CAST: variants seen among roughly 807,000 people sequenced by gnomAD.
The protein encoded by CAST is MIR583 host.
CAST carries 76 observed loss-of-function variants against 119.6 expected under a neutral mutation model. The ratio of observed to expected loss-of-function variants is 0.64; its 90% CI spans 0.53 to 0.77. The LOEUF (loss-of-function observed/expected upper bound fraction) is 0.77, where lower values mean the gene tolerates loss of function less well. Ranked by LOEUF, CAST falls within the 30% of genes least tolerant of loss-of-function variation. The probability of loss-of-function intolerance (pLI) is 0.00; values close to 1 mark genes in which losing one functional copy is unlikely to be tolerated. For missense variants in CAST, 953 were observed against 946.5 expected, an observed-to-expected ratio of 1.01 and a Z score of -0.09; for synonymous variants, 319 against 331.6, an observed-to-expected ratio of 0.96 and a Z score of 0.41.
the CAST span, among the ~76,000 whole-genome samples, chr5:96,164,204 T>C: frequency 6.6e-6 from 1 of 152,256 alleles, no homozygotes; most frequent in South Asian, 2.1e-4. Flanking sequence ...TGTCTATTTA[T>C]GTACATTTAT....
intron 1 of CAST, among the ~76,000 whole-genome samples, chr5:96,565,077 G>GGGGTGTGTGTGT (rs1554068075): frequency 2.0e-5 from 3 of 148,642 alleles, no homozygotes; most frequent in South Asian, 2.2e-4. Flanking sequence ...ACATGGGAAA[G>GGGGTGTGTGTGT]GTGTGTGTGT....
the CAST span, among the ~76,000 whole-genome samples, chr5:96,169,943 T>G: frequency 1.0e-4 from 15 of 150,500 alleles, no homozygotes; most frequent in African/African-American, 3.7e-4. Context: ...AGTTGGGGAG[T>G]TTTAAGAGGT....
chr5:96,546,457 C>T lies in CAST; in HGVS notation c.60+16577C>T, dbSNP rs1471030229. 5 of 152,044 alleles carry T rather than the reference C, an allele frequency of 3.3e-5. No individual in the cohort carries two copies. The South Asian group carries it at 6.2e-4, about 19-fold the overall frequency. The allele number at this position is 152,044 out of a possible 1,614,324, so 9.4% of individuals were successfully genotyped here. On this transcript the variant is annotated intron_variant, in intron 1 of 11. Coordinates refer to the CAST transcript ENST00000505143. ...CCAGTTCATAATGGAAAGCTCAGAA[C>T]ACATAGTTACCTGACGTCCCATGGT...
At chr5:96,176,184 C>A in the CAST span, among the ~76,000 whole-genome samples, 1 of 151,608 alleles carries the variant, frequency 6.6e-6, no homozygotes, top group African/African-American at 2.4e-5. Flanking sequence ...TGTGCAAAGG[C>A]CTTCGGAGAG....
the CAST span, among the ~76,000 whole-genome samples, chr5:96,290,455 A>G: frequency 7.0e-6 from 1 of 143,814 alleles, no homozygotes; most frequent in Non-Finnish European, 1.5e-5. Context: ...TTTATTTTCT[A>G]TTCAAAATTA....
chr5:96,305,074 A>G, the CAST span, among the ~76,000 whole-genome samples: 1 of 152,256 alleles, frequency 6.6e-6, no homozygotes, highest in Non-Finnish European at 1.5e-5. Flanking sequence ...GATTCTTCCT[A>G]TCCATGAGCA....
At chr5:96,165,270 T>G in the CAST span, among the ~76,000 whole-genome samples, 1 of 152,112 alleles carries the variant, frequency 6.6e-6, no homozygotes, top group Non-Finnish European at 1.5e-5. Flanking sequence ...AGCTGGAGCC[T>G]TAGCCACAGC....
intron 1 of CAST, among the ~76,000 whole-genome samples, chr5:96,595,174 T>C (rs575234502): frequency 2.0e-5 from 3 of 152,316 alleles, no homozygotes; most frequent in Non-Finnish European, 4.4e-5. Context: ...GCAATGGACA[T>C]GCACATGCAG....
At chr5:96,451,726 A>T in the CAST span, among the ~76,000 whole-genome samples, 2 of 152,142 alleles carry the variant, frequency 1.3e-5, no homozygotes, top group Non-Finnish European at 2.9e-5. Context: ...ATGGGAGAAA[A>T]TTTTTTCAGT....
chr5:96,680,985 T>C (rs1330270023), intron 2 of CAST, among the ~76,000 whole-genome samples: 1 of 152,236 alleles, frequency 6.6e-6, no homozygotes, highest in South Asian at 2.1e-4. Context: ...CCGGGATATC[T>C]AGCCCCAAGA....
At chr5:96,162,235 A>G in the CAST span, among the ~76,000 whole-genome samples, 1 of 152,204 alleles carries the variant, frequency 6.6e-6, no homozygotes, top group East Asian at 1.9e-4. Flanking sequence ...AAATTATGAT[A>G]TTAGCTATAG....
At chr5:96,684,156 C>G (rs1255251783) in intron 2 of CAST, among the ~76,000 whole-genome samples, 1 of 152,148 alleles carries the variant, frequency 6.6e-6, no homozygotes, top group Non-Finnish European at 1.5e-5. Context: ...AGGGCACATT[C>G]CTTATCTGTA....
chr5:96,299,402 A>G, the CAST span, among the ~76,000 whole-genome samples: 1,091 of 152,344 alleles, frequency 7.2e-3, 17 homozygotes, highest in African/African-American at 0.024. Flanking sequence ...TAATAGTGTC[A>G]CTTTAAAGTG....
intron 1 of CAST, among the ~76,000 whole-genome samples, chr5:96,584,129 G>T (rs1318501949): frequency 6.6e-6 from 1 of 152,192 alleles, no homozygotes; most frequent in South Asian, 2.1e-4. Context: ...CAGACAAGGG[G>T]TGGGAGGAGA....
chr5:96,576,116 G>A (rs1263157450), intron 1 of CAST, among the ~76,000 whole-genome samples: 2 of 152,088 alleles, frequency 1.3e-5, no homozygotes, highest in African/African-American at 4.8e-5. Context: ...TGATTTGCTG[G>A]TGTTTTGTTG....
At chr5:96,280,629 A>G in the CAST span, among the ~76,000 whole-genome samples, 1 of 152,228 alleles carries the variant, frequency 6.6e-6, no homozygotes, top group South Asian at 2.1e-4. Flanking sequence ...TAAAATGGTA[A>G]CACTAGTTAC....
At chr5:96,215,185 C>T in the CAST span, 1 of 152,152 alleles carries the variant, frequency 6.6e-6, no homozygotes, top group Admixed American at 6.5e-5. Flanking sequence ...TACTGTACAG[C>T]AGGGGTTCTC....
the CAST span, among the ~76,000 whole-genome samples, chr5:96,496,437 G>C: frequency 6.6e-6 from 1 of 152,182 alleles, no homozygotes; most frequent in Admixed American, 6.5e-5. Context: ...TCAAGATAGA[G>C]GTGGAATTTC....
At chr5:96,293,441 G>A in the CAST span, among the ~76,000 whole-genome samples, 1 of 151,662 alleles carries the variant, frequency 6.6e-6, no homozygotes, top group African/African-American at 2.4e-5. Context: ...CCACGCCCCG[G>A]CTAATTTTTG....
Sources: gnomAD v4.1 joint callset for allele counts (sites outside exome capture counted in the v4.1 genomes callset) on GRCh38, gnomAD v4.1.1 for gene constraint, MANE v1.5 for transcripts, NCBI Gene and HGNC (gene_info 2026-07-23, HGNC 2026-07-21) for gene names.